COMMD10: variants seen among roughly 807,000 people sequenced by gnomAD.
The protein encoded by COMMD10 is COMM domain containing 10.
COMMD10 carries 33 observed loss-of-function variants against 28.9 expected under a neutral mutation model. That is an observed-to-expected ratio of 1.14 (90% CI 0.87 to 1.53). The LOEUF is 1.53. COMMD10 is among the 40% of genes most tolerant of loss of function. The pLI is 0.00. For synonymous variants in COMMD10, 110 were observed against 81.7 expected, an observed-to-expected ratio of 1.35 and a Z score of -1.87; for missense variants, 310 against 233.4, an observed-to-expected ratio of 1.33 and a Z score of -2.14.
intron 5 of COMMD10, among the ~76,000 whole-genome samples, chr5:116,282,332 C>A (rs946016326): frequency 6.6e-6 from 1 of 151,918 alleles, no homozygotes; most frequent in Non-Finnish European, 1.5e-5. Context: ...GCCACTGTGT[C>A]TTGCCTGGAC....
intron 5 of COMMD10, among the ~76,000 whole-genome samples, chr5:116,170,373 A>G (rs1399615253): frequency 1.3e-5 from 2 of 152,208 alleles, no homozygotes; most frequent in Admixed American, 1.3e-4. Flanking sequence ...ATGCTCATGC[A>G]TAGGAAGAAT....
intron 5 of COMMD10, among the ~76,000 whole-genome samples, chr5:116,201,315 C>T (rs1319125224): frequency 6.6e-6 from 1 of 152,182 alleles, no homozygotes; most frequent in Non-Finnish European, 1.5e-5. Flanking sequence ...CCAGTATTCA[C>T]TGTGAGAACC....
At chr5:116,247,356 T>C (rs1014929842) in intron 5 of COMMD10, among the ~76,000 whole-genome samples, 4 of 152,074 alleles carry the variant, frequency 2.6e-5, no homozygotes, top group Non-Finnish European at 4.4e-5. Context: ...AGAACACTTA[T>C]ACACTGTTGG....
chr5:116,111,674 G>T (rs887579628), intron 4 of COMMD10, among the ~76,000 whole-genome samples: 1 of 152,086 alleles, frequency 6.6e-6, no homozygotes, highest in African/African-American at 2.4e-5. Context: ...ATTTGTTGAG[G>T]CTTGTTTTGT....
At chr5:116,160,447 A>G (rs1752879265) in intron 5 of COMMD10, among the ~76,000 whole-genome samples, 1 of 152,188 alleles carries the variant, frequency 6.6e-6, no homozygotes, top group African/African-American at 2.4e-5. Flanking sequence ...AGAAGACAAG[A>G]TGCTCTTTTT....
chr5:116,130,509 T>A (rs1280377036), intron 4 of COMMD10, among the ~76,000 whole-genome samples: 1 of 151,988 alleles, frequency 6.6e-6, no homozygotes, highest in African/African-American at 2.4e-5. Flanking sequence ...CCAAAGAAAC[T>A]GTAATCTAGA....
At chr5:116,187,727 A>C (rs1009283636) in intron 5 of COMMD10, among the ~76,000 whole-genome samples, 1 of 152,150 alleles carries the variant, frequency 6.6e-6, no homozygotes, top group Non-Finnish European at 1.5e-5. Flanking sequence ...GAGAAAGCAT[A>C]GTATGGTAAT....
chr5:116,179,868 A>C (rs79584098), intron 5 of COMMD10, among the ~76,000 whole-genome samples: 12,885 of 152,050 alleles, frequency 0.085, 1,030 homozygotes, highest in African/African-American at 0.22. Context: ...TCAAATCTAC[A>C]AGACATTTCT....
At chr5:116,222,845 C>G (rs1749298395) in intron 5 of COMMD10, among the ~76,000 whole-genome samples, 1 of 152,058 alleles carries the variant, frequency 6.6e-6, no homozygotes, top group African/African-American at 2.4e-5. Context: ...TTACATGCCA[C>G]CACGCCTGGC....
chr5:116,252,150 G>A (rs1391962864), intron 5 of COMMD10, among the ~76,000 whole-genome samples: 1 of 145,912 alleles, frequency 6.9e-6, no homozygotes, highest in Admixed American at 6.8e-5. Context: ...GGGGTTGTTT[G>A]TTTTTTTCTT....
chr5:116,166,346 C>G (rs938723700), intron 5 of COMMD10, among the ~76,000 whole-genome samples: 1 of 152,080 alleles, frequency 6.6e-6, no homozygotes, highest in Non-Finnish European at 1.5e-5. Flanking sequence ...CCAGACATAC[C>G]CATTTTTTTC....
rs34529275 is a variant in COMMD10 at position 116,226,416 on chromosome 5, C to CTT, written c.511-65086_511-65085dup. The stretch of plus-strand genomic sequence containing the variant: ...GTTCATGTTTGCACTTTGTACTTCC[C>CTT]TTTTTTTTTTTTTTTTGAGAACAGC... On this transcript the variant is annotated intron_variant, in intron 5 of 6. Transcript: ENST00000274458. 5.1e-3 allele frequency among the ~76,000 whole-genome samples: 701 copies of CTT among 138,044 alleles called. 10 individuals are homozygous for CTT. The highest frequency in any genetic ancestry group is 0.012 in the South Asian group (53 of 4,478). The allele number at this position is 138,044 out of a possible 152,430, so 90.6% of individuals were successfully genotyped here.
At chr5:116,250,249 G>T (rs1247030568) in intron 5 of COMMD10, among the ~76,000 whole-genome samples, 2 of 151,714 alleles carry the variant, frequency 1.3e-5, no homozygotes, top group Non-Finnish European at 2.9e-5. Context: ...GAATATTTTT[G>T]AGATTCACTA....
At chr5:116,271,370 A>G (rs1019109683) in intron 5 of COMMD10, among the ~76,000 whole-genome samples, 1 of 149,230 alleles carries the variant, frequency 6.7e-6, no homozygotes, top group South Asian at 2.1e-4. Context: ...ATATCTTTAT[A>G]TTATCATTTC....
chr5:116,085,549 A>G (rs1397546836), intron 1 of COMMD10: 3 of 159,670 alleles, frequency 1.9e-5, no homozygotes, highest in African/African-American at 7.2e-5. Flanking sequence ...CCCCTTTTAA[A>G]TCAGTATCGA....
At chr5:116,147,581 G>T (rs73253269) in intron 5 of COMMD10, among the ~76,000 whole-genome samples, 3 of 151,746 alleles carry the variant, frequency 2.0e-5, no homozygotes, top group Non-Finnish European at 2.9e-5. Flanking sequence ...TATGACATCA[G>T]TGAAACTGTA....
rs548271718 is a variant in COMMD10, at chr5:116,207,214, C to T, written c.510+73036C>T. Among the ~76,000 whole-genome samples, 40 of 152,234 alleles carry T rather than the reference C, an allele frequency of 2.6e-4. No individual in the cohort carries two copies. The East Asian group carries it at 6.9e-3, about 26-fold the overall frequency. On this transcript the variant is annotated intron_variant, in intron 5 of 6. Coordinates refer to ENST00000274458, the MANE Select transcript of COMMD10 (RefSeq NM_016144.4). ...TTTACTCCCATGGTTTTGAAATAAG[C>T]ATATAGGCATTTAATTTTTAGGAGT... is the stretch of plus-strand genomic sequence containing the variant.
intron 4 of COMMD10, among the ~76,000 whole-genome samples, chr5:116,127,881 A>C (rs1187246864): frequency 1.3e-5 from 2 of 152,126 alleles, no homozygotes; most frequent in Non-Finnish European, 2.9e-5. Context: ...CATATGTCAC[A>C]AACCTGCACG....
intron 5 of COMMD10, among the ~76,000 whole-genome samples, chr5:116,187,991 T>G (rs1352937093): frequency 6.6e-6 from 1 of 152,172 alleles, no homozygotes; most frequent in East Asian, 1.9e-4. Context: ...TTCAAGTATA[T>G]AGATTCAGAT....
Sources: allele counts gnomAD v4.1 joint callset (sites outside exome capture counted in the v4.1 genomes callset), GRCh38; gene constraint gnomAD v4.1.1; transcripts MANE v1.5; gene names NCBI Gene and HGNC (gene_info 2026-07-23, HGNC 2026-07-21).